The following FGF10 variants were observed in gnomAD, a reference collection of about 807,000 sequenced individuals.
The protein encoded by FGF10 is FGF-10.
A neutral mutation model predicts 19.8 loss-of-function variants in FGF10; 2 were observed. The ratio of observed to expected loss-of-function variants is 0.10; its 90% CI spans 0.04 to 0.32. The LOEUF is 0.32. Among genes scored for constraint, FGF10 ranks in the 10% least tolerant of loss-of-function variants. The probability of loss-of-function intolerance (pLI) is 1.00; values close to 1 mark genes in which losing one functional copy is unlikely to be tolerated. For synonymous variants in FGF10, 112 were observed against 94.0 expected, an observed-to-expected ratio of 1.19 and a Z score of -1.10; for missense variants, 191 against 246.3, an observed-to-expected ratio of 0.78 and a Z score of 1.50.
intron 1 of FGF10, 22 bp downstream of exon 1, chr5:44,388,336 G>C (rs1309906326): frequency 6.2e-7 from 1 of 1,606,456 alleles, no homozygotes; most frequent in Non-Finnish European, 8.5e-7. Context: ...TGGAAGGAGG[G>C]GAGCATGCAT....
chr5:44,339,546 C>T (rs1180236617), intron 1 of FGF10, among the ~76,000 whole-genome samples: 3 of 152,250 alleles, frequency 2.0e-5, no homozygotes, highest in Non-Finnish European at 2.9e-5. Flanking sequence ...TGCAAATTAT[C>T]TAAAATGCAA....
At chr5:44,321,383 T>G (rs1309898233) in intron 1 of FGF10, among the ~76,000 whole-genome samples, 1 of 152,216 alleles carries the variant, frequency 6.6e-6, no homozygotes, top group Admixed American at 6.5e-5. Context: ...AATATATTTT[T>G]CAGGAGGATG....
chr5:44,367,006 G>C (rs1357180399), intron 1 of FGF10, among the ~76,000 whole-genome samples: 2 of 151,904 alleles, frequency 1.3e-5, no homozygotes, highest in Non-Finnish European at 2.9e-5. Context: ...TTGGCATCAA[G>C]ACAAATATTT....
chr5:44,320,177 A>C (rs948863176), intron 1 of FGF10, among the ~76,000 whole-genome samples: 7 of 152,210 alleles, frequency 4.6e-5, no homozygotes, highest in Non-Finnish European at 8.8e-5. Flanking sequence ...GATGAACGTT[A>C]GCAGACAGAT....
At chr5:44,388,136 G>A (rs768871238) in intron 1 of FGF10, among the ~76,000 whole-genome samples, 5 of 151,986 alleles carry the variant, frequency 3.3e-5, no homozygotes, top group Non-Finnish European at 7.4e-5. Context: ...GAGCGGCAAG[G>A]GGTGGGGGAT....
rs780812071 is a variant in FGF10, at chr5:44,304,949, G to T, written c.*46C>A. The stretch of plus-strand genomic sequence containing the variant: ...TCATGAAGAATATCCACTATTCTTG[G>T]CAAAAGAGCCATTGGTTCTACTGCA... On this transcript the variant is annotated 3_prime_UTR_variant, in exon 3 of 3. Coordinates refer to ENST00000264664, the MANE Select transcript of FGF10 (RefSeq NM_004465.2). 6.4e-7 allele frequency: 1 copy of T among 1,562,248 alleles called. No individual in the cohort carries two copies.
intron 1 of FGF10, among the ~76,000 whole-genome samples, chr5:44,371,292 A>T (rs1396727397): frequency 6.6e-6 from 1 of 152,074 alleles, no homozygotes; most frequent in Non-Finnish European, 1.5e-5. Flanking sequence ...CAGAAAGTCC[A>T]CAGTAGCAAG....
rs191475559 is a variant in FGF10 at position 44,373,510 on chromosome 5, T to C, written c.325+14848A>G. On this transcript the variant is annotated intron_variant, in intron 1 of 2. Transcript: ENST00000264664. ...ATCCTTCAACACTTTGCTTGGAAAT[T>C]TCCTCAGCTAAATATCCAAATTCAT... 2.1e-3 allele frequency among the ~76,000 whole-genome samples: 318 copies of C among 152,288 alleles called. 1 individual carries two copies. Among genetic ancestry groups the C allele is most frequent in the South Asian group, 8.5e-3 (41 of 4,826 alleles).
chr5:44,359,548 T>C (rs1490843667), intron 1 of FGF10, among the ~76,000 whole-genome samples: 3 of 151,448 alleles, frequency 2.0e-5, no homozygotes, highest in Non-Finnish European at 3.0e-5. Flanking sequence ...TTCAGTCTAA[T>C]AGACTGGGCT....
intron 2 of FGF10, among the ~76,000 whole-genome samples, chr5:44,308,364 A>G (rs1740132247): frequency 6.6e-6 from 1 of 152,216 alleles, no homozygotes; most frequent in Non-Finnish European, 1.5e-5. Flanking sequence ...AGTATTTAAA[A>G]TCTTTTATAT....
chr5:44,379,213 C>T (rs1741935748), intron 1 of FGF10, among the ~76,000 whole-genome samples: 1 of 152,202 alleles, frequency 6.6e-6, no homozygotes, highest in African/African-American at 2.4e-5. Context: ...CATCATATCA[C>T]CTCTTGGTTA....
At chr5:44,356,176 G>T (rs1439763840) in intron 1 of FGF10, among the ~76,000 whole-genome samples, 1 of 151,416 alleles carries the variant, frequency 6.6e-6, no homozygotes, top group Admixed American at 6.6e-5. Flanking sequence ...CAATTCAGTT[G>T]AGAATGGCAG....
intron 1 of FGF10, among the ~76,000 whole-genome samples, chr5:44,319,637 A>G (rs77439960): frequency 0.012 from 1,768 of 152,310 alleles, 36 homozygotes; most frequent in African/African-American, 0.04. Context: ...AGAATAATAC[A>G]TAATTGGCCT....
chr5:44,373,391 T>A (rs1381049159), intron 1 of FGF10, among the ~76,000 whole-genome samples: 1 of 152,174 alleles, frequency 6.6e-6, no homozygotes, highest in Non-Finnish European at 1.5e-5. Context: ...TCCCAAATCA[T>A]CAAGTGCTAT....
intron 1 of FGF10, among the ~76,000 whole-genome samples, chr5:44,350,071 C>T (rs1741197987): frequency 1.3e-5 from 2 of 151,134 alleles, no homozygotes; most frequent in Admixed American, 6.6e-5. Context: ...CACACATACA[C>T]ATCTAGAGTT....
chr5:44,323,809 G>A (rs1437747188), intron 1 of FGF10, among the ~76,000 whole-genome samples: 1 of 152,036 alleles, frequency 6.6e-6, no homozygotes, highest in Non-Finnish European at 1.5e-5. Context: ...TTTTAAAGTA[G>A]TATGTTCTTG....
intron 1 of FGF10, among the ~76,000 whole-genome samples, chr5:44,332,442 C>A (rs1740756411): frequency 6.6e-6 from 1 of 152,108 alleles, no homozygotes; most frequent in South Asian, 2.1e-4. Context: ...CCTGGTTTGA[C>A]TTTGTTGTTT....
Position 44,302,016 on chromosome 5 carries a change from C to G in FGF10, c.*2979G>C, listed in dbSNP as rs981465620. ...TGGACACATATTTGTGGCTGATGCA[C>G]TTTAACTTTGTGGGCCTGGGACCAT... On this transcript the variant is annotated 3_prime_UTR_variant, in exon 3 of 3. Transcript: ENST00000264664. Among the ~76,000 whole-genome samples the G allele has an allele frequency of 6.6e-6, 1 of 151,756 alleles. No individual in the cohort carries two copies. The highest frequency in any genetic ancestry group is 2.4e-5 in the African/African-American group (1 of 41,362).
rs1740186007 is a variant in FGF10 at position 44,310,471 on chromosome 5, T to C, written c.385A>G (p.Asn129Asp). The part of the protein sequence containing the change: ...GVVAVKAINS[N>D]YYLAMNKKGK... Reference sequence around the variant, plus strand: ...TTCTTGTTCATGGCTAAGTAATAGTTGCTGTTAATGGCTTTGACGGCAACA... The same window carrying C: ...TTCTTGTTCATGGCTAAGTAATAGTCGCTGTTAATGGCTTTGACGGCAACA... The change falls in exon 2 of 3, where the codon AAC becomes GAC. Residue 129 changes from asparagine to aspartate, a missense_variant. Around this residue, in one of 2 missense-constraint regions of FGF10, gnomAD observed 99 missense variants for 161.7 expected, o/e 0.61. Coordinates refer to ENST00000264664, the MANE Select transcript of FGF10 (RefSeq NM_004465.2). 2.5e-6 allele frequency: 4 copies of C among 1,612,638 alleles called. No individual in the cohort carries two copies. Among genetic ancestry groups the C allele is most frequent in the East Asian group, 2.2e-5 (1 of 44,796 alleles).
Sources: allele counts gnomAD v4.1 joint callset (sites outside exome capture counted in the v4.1 genomes callset), GRCh38; gene constraint gnomAD v4.1.1; regional missense constraint gnomAD v4.1.1; transcripts MANE v1.5; gene names NCBI Gene and HGNC (gene_info 2026-07-23, HGNC 2026-07-21).